The following CDH23 variants were observed in gnomAD, a reference collection of about 807,000 sequenced individuals.
CDH23 encodes cadherin related 23.
Under a neutral mutation model 317.1 loss-of-function variants are expected in CDH23, and 189 were observed. The ratio of observed to expected loss-of-function variants is 0.60; its 90% CI spans 0.53 to 0.67. The LOEUF is 0.67. CDH23 is among the 30% of genes least tolerant of loss of function. The probability of loss-of-function intolerance (pLI) is 0.00; values close to 1 mark genes in which losing one functional copy is unlikely to be tolerated. For missense variants in CDH23, 4,401 were observed against 4,592.4 expected, an observed-to-expected ratio of 0.96 and a Z score of 1.20; for synonymous variants, 1,839 against 1,876.8, an observed-to-expected ratio of 0.98 and a Z score of 0.52.
intron 3 of CDH23, among the ~76,000 whole-genome samples, chr10:71,464,566 C>G (rs1851156779): frequency 6.6e-6 from 1 of 150,718 alleles, no homozygotes; most frequent in Non-Finnish European, 1.5e-5. Context: ...CTTGTCTCAT[C>G]TGGAAGCAAT....
intron 9 of CDH23, among the ~76,000 whole-genome samples, chr10:71,612,296 G>T (rs1254605566): frequency 1.3e-5 from 2 of 151,922 alleles, no homozygotes; most frequent in Admixed American, 6.6e-5. Flanking sequence ...CTGTGTGGGG[G>T]GTACTTGCCT....
chr10:71,700,539 G>T (rs559575974), intron 22 of CDH23, among the ~76,000 whole-genome samples: 1 of 152,328 alleles, frequency 6.6e-6, no homozygotes, highest in Admixed American at 6.5e-5. Flanking sequence ...TTTGCAAAAT[G>T]GGGGTGTTGG....
rs145094426 is a variant in CDH23, at chr10:71,436,179, G to A, written c.-5-3648G>A. ...GTCCCTGCTTCCGAATGCTTTGGAGGCAGTCCCTGCCAATCCTGCAGAATT... is the reference window on the plus strand; with the variant it reads ...GTCCCTGCTTCCGAATGCTTTGGAGACAGTCCCTGCCAATCCTGCAGAATT... On this transcript the variant is annotated intron_variant, in intron 1 of 69. Transcript: ENST00000224721. 2.7e-4 allele frequency among the ~76,000 whole-genome samples: 41 copies of A among 152,364 alleles called. No homozygotes were observed. In the East Asian group the frequency reaches 7.1e-3, roughly 27 times the overall value.
intron 38 of CDH23, among the ~76,000 whole-genome samples, chr10:71,762,798 A>G (rs1840428697): frequency 6.6e-6 from 1 of 152,240 alleles, no homozygotes; most frequent in Non-Finnish European, 1.5e-5. Context: ...GACAGAGAGT[A>G]TATGAAAGGT....
chr10:71,454,151 A>T (rs1043595792), intron 3 of CDH23, among the ~76,000 whole-genome samples: 11 of 152,146 alleles, frequency 7.2e-5, no homozygotes, highest in African/African-American at 2.7e-4. Context: ...GAAGATGGAG[A>T]AAGTGAGGCC....
intron 6 of CDH23, among the ~76,000 whole-genome samples, chr10:71,538,605 G>T (rs1204420688): frequency 6.6e-6 from 1 of 152,164 alleles, no homozygotes. Flanking sequence ...TACAAGGCAA[G>T]TGCATCAAGA....
At position 71,702,483 on chromosome 10, in the gene CDH23, C is replaced by T. The variant is rs1365614157; in HGVS notation, c.2588-66C>T. The T allele has an allele frequency of 3.8e-6, 6 of 1,594,510 alleles. No homozygotes were observed. The Admixed American group carries it at 6.7e-5, about 18-fold the overall frequency. Reference sequence around the variant, plus strand: ...CCACCCTCTCACCACTTGCCTTCTTCCTGTCCGTTTTCTCTTGCACCCATC... The same window carrying T: ...CCACCCTCTCACCACTTGCCTTCTTTCTGTCCGTTTTCTCTTGCACCCATC... On this transcript the variant is annotated intron_variant, in intron 23 of 69. Transcript: ENST00000224721.
intron 38 of CDH23, among the ~76,000 whole-genome samples, chr10:71,765,822 G>A (rs929549516): frequency 2.0e-5 from 3 of 152,130 alleles, no homozygotes; most frequent in African/African-American, 7.2e-5. Flanking sequence ...GAGCAGGGGA[G>A]GATGTTCAGT....
rs541985616 is a variant in CDH23 at position 71,810,608 on chromosome 10, T to C, written c.9077+39T>C. ...TGTGTTTGGACTGTCAGCCTGTCTGTCTGCCTGCCTCCCTGCCCTGGAGTA... is the reference window on the plus strand; with the variant it reads ...TGTGTTTGGACTGTCAGCCTGTCTGCCTGCCTGCCTCCCTGCCCTGGAGTA... On this transcript the variant is annotated intron_variant, in intron 62 of 69. Transcript: ENST00000224721. 44 of 1,585,502 alleles carry C rather than the reference T, an allele frequency of 2.8e-5. No homozygotes were observed. In the South Asian group the frequency reaches 3.0e-4, roughly 11 times the overall value.
chr10:71,736,200 A>G (rs1839560269), intron 34 of CDH23, among the ~76,000 whole-genome samples: 2 of 152,240 alleles, frequency 1.3e-5, no homozygotes, highest in African/African-American at 4.8e-5. Context: ...TCTTCCGGTT[A>G]GCAGGGCCCA....
intron 44 of CDH23, among the ~76,000 whole-genome samples, chr10:71,786,119 A>G (rs1328448845): frequency 1.3e-5 from 2 of 152,234 alleles, no homozygotes; most frequent in African/African-American, 4.8e-5. Flanking sequence ...CATGGGGCAC[A>G]TGGGCCTGCA....
At chr10:71,481,499 G>T (rs1852062798) in intron 3 of CDH23, among the ~76,000 whole-genome samples, 1 of 152,204 alleles carries the variant, frequency 6.6e-6, no homozygotes, top group Non-Finnish European at 1.5e-5. Flanking sequence ...TCTTCTCAGG[G>T]TGCACGTGAG....
At chr10:71,780,466 C>A (rs1840922935) in intron 41 of CDH23, among the ~76,000 whole-genome samples, 1 of 152,130 alleles carries the variant, frequency 6.6e-6, no homozygotes, top group African/African-American at 2.4e-5. Flanking sequence ...TGGGGAAGAG[C>A]ATTCCAGGCA....
intron 18 of CDH23, 22 bp from the exon 19 acceptor site, chr10:71,687,625 A>C (rs1316178890): frequency 6.2e-7 from 1 of 1,613,098 alleles, no homozygotes; most frequent in African/African-American, 1.3e-5. Context: ...AGCCTCCTGC[A>C]ACCTGTCTGT....
chr10:71,672,721 C>T lies in CDH23; in HGVS notation c.1450-2391C>T, dbSNP rs190473378. On this transcript the variant is annotated intron_variant, in intron 14 of 69. Coordinates refer to ENST00000224721, the MANE Select transcript of CDH23 (RefSeq NM_022124.6). ...AGCCAGCTTCTGCTCTAAGACAGTC[C>T]AGTCCTGTCTCCTGGCACTCATCAC... Among the ~76,000 whole-genome samples the T allele has an allele frequency of 5.9e-5, 9 of 152,288 alleles. No homozygotes were observed. In the East Asian group the frequency reaches 1.7e-3, roughly 29 times the overall value.
At chr10:71,621,015 G>A (rs1861442117) in intron 11 of CDH23, among the ~76,000 whole-genome samples, 1 of 152,230 alleles carries the variant, frequency 6.6e-6, no homozygotes, top group Non-Finnish European at 1.5e-5. Flanking sequence ...ATCAGGCCCA[G>A]GGACCCCCGT....
In CDH23 at chr10:71,682,544, G is replaced by A. The variant is rs1864697681; in HGVS notation, c.1958G>A (p.Ser653Asn). 6.2e-7 allele frequency: 1 copy of A among 1,613,660 alleles called. No individual in the cohort carries two copies. Among genetic ancestry groups the A allele is most frequent in the Non-Finnish European group, 8.5e-7 (1 of 1,179,760 alleles). The change falls in exon 18 of 70, where the codon AGC becomes AAC. Residue 653 changes from serine (S) to asparagine (N), a missense_variant. By Grantham distance (46) the Ser-to-Asn change is conservative. Transcript: ENST00000224721. ...GATGCTGGCAACCCCCCTCTCAACAGCACCGTCCCTGTCACCATCGAGGTG... is the reference window on the plus strand; with the variant it reads ...GATGCTGGCAACCCCCCTCTCAACAACACCGTCCCTGTCACCATCGAGGTG... The part of the protein sequence containing the change: ...AMDAGNPPLN[S>N]TVPVTIEVFD...
At chr10:71,731,377 G>GC (rs1172979724) in intron 31 of CDH23, among the ~76,000 whole-genome samples, 1 of 152,250 alleles carries the variant, frequency 6.6e-6, no homozygotes, top group Non-Finnish European at 1.5e-5. Context: ...AGGAATGGCT[G>GC]CAAATTCTCA....
chr10:71,806,054 G>T, intron 56 of CDH23, 57 bp downstream of exon 56: 1 of 1,539,148 alleles, frequency 6.5e-7, no homozygotes, highest in East Asian at 2.4e-5. Context: ...TCTTCTGGGG[G>T]CGGGTCTTGC....
Sources: gnomAD v4.1 joint callset for allele counts (sites outside exome capture counted in the v4.1 genomes callset) on GRCh38, gnomAD v4.1.1 for gene constraint, MANE v1.5 for transcripts, NCBI Gene and HGNC (gene_info 2026-07-23, HGNC 2026-07-21) for gene names.